The following A2M variants were observed in gnomAD, a reference collection of about 807,000 sequenced individuals.
A2M encodes the protein alpha-2-macroglobulin, also known as C3 and PZP-like alpha-2-macroglobulin domain-containing protein 5.
A2M carries 128 observed loss-of-function variants against 183.9 expected under a neutral mutation model. The observed-to-expected ratio is 0.70, with a 90% CI of 0.60 to 0.81. The LOEUF (loss-of-function observed/expected upper bound fraction) is 0.81. A2M is among the 30% of genes least tolerant of loss of function. The pLI, the probability that A2M is intolerant of heterozygous loss-of-function variation, is 0.00. For missense variants in A2M, 1,495 were observed against 1,787.6 expected, an observed-to-expected ratio of 0.84 and a Z score of 2.95; for synonymous variants, 592 against 670.8, an observed-to-expected ratio of 0.88 and a Z score of 1.81.
At chr12:9,093,102 G>T (rs1411693116) in intron 18 of A2M, among the ~76,000 whole-genome samples, 1 of 152,174 alleles carries the variant, frequency 6.6e-6, no homozygotes, top group Non-Finnish European at 1.5e-5. Context: ...GCAGGGATGG[G>T]AAGAAGCAGG....
chr12:9,090,198 T>G (rs982510614), intron 20 of A2M, among the ~76,000 whole-genome samples, 158 bp downstream of exon 20: 1 of 152,134 alleles, frequency 6.6e-6, no homozygotes, highest in Non-Finnish European at 1.5e-5. Flanking sequence ...GGTGGAGATG[T>G]TGAGGATATC....
chr12:9,088,704 T>G (rs1464546064), intron 22 of A2M, among the ~76,000 whole-genome samples: 3 of 152,194 alleles, frequency 2.0e-5, no homozygotes, highest in Non-Finnish European at 4.4e-5. Flanking sequence ...CTCAAATGTT[T>G]GATAGGGCAT....
At chr12:9,097,791 T>G (rs1328726371) in intron 15 of A2M, among the ~76,000 whole-genome samples, 2 of 151,868 alleles carry the variant, frequency 1.3e-5, no homozygotes, top group African/African-American at 4.8e-5. Flanking sequence ...CGCCACCACG[T>G]CTGACTAATT....
At chr12:9,081,916 C>G (rs1440626451) in intron 22 of A2M, among the ~76,000 whole-genome samples, 1 of 152,188 alleles carries the variant, frequency 6.6e-6, no homozygotes, top group Non-Finnish European at 1.5e-5. Flanking sequence ...TTCAGAGATA[C>G]CAGCCAACTG....
chr12:9,080,784 T>C (rs1948887803), intron 22 of A2M, among the ~76,000 whole-genome samples: 1 of 152,186 alleles, frequency 6.6e-6, no homozygotes, highest in Non-Finnish European at 1.5e-5. Context: ...TTAATCTTGG[T>C]AAATTATATG....
intron 6 of A2M, 41 bp from the exon 7 acceptor site, chr12:9,109,446 A>G (rs1160834957): frequency 3.4e-6 from 5 of 1,489,894 alleles, no homozygotes; most frequent in Admixed American, 1.7e-5. Flanking sequence ...TTGGTTTTCA[A>G]CTTTGGGGGA....
At chr12:9,076,656 G>C in intron 28 of A2M, 100 bp downstream of exon 28, 1 of 1,060,200 alleles carries the variant, frequency 9.4e-7, no homozygotes, top group Non-Finnish European at 1.4e-6. Flanking sequence ...GAAAAGAAGA[G>C]AGGAGACAGG....
At chr12:9,094,356 T>TAC (rs1466828564) in intron 17 of A2M, among the ~76,000 whole-genome samples, 1 of 143,842 alleles carries the variant, frequency 7.0e-6, no homozygotes, top group Non-Finnish European at 1.5e-5. Flanking sequence ...TATATATATA[T>TAC]ATATATATAT....
chr12:9,071,562 T>A (rs1340539232), intron 31 of A2M, among the ~76,000 whole-genome samples: 1 of 152,150 alleles, frequency 6.6e-6, no homozygotes, highest in African/African-American at 2.4e-5. Flanking sequence ...TGCACTGAAT[T>A]GTTGTTTTTT....
Position 9,101,591 on chromosome 12 carries a change from A to G in A2M, c.1350T>C (p.Leu450=), listed in dbSNP as rs781124725. The change falls in exon 12 of 36, where the codon CTT becomes CTC. Residue 450 remains leucine (L), a synonymous_variant. Transcript: ENST00000318602. The stretch of plus-strand genomic sequence containing the variant: ...CAAAGCTCTTGCTTGGGGAGAACAC[A>G]AGATAAGCAGTGTGATGTGCCTCTT... ...EHEEAHHTAY[L]VFSPSKSFVH... 152 of 1,613,870 alleles carry G rather than the reference A, an allele frequency of 9.4e-5. No individual in the cohort carries two copies. The highest frequency in any genetic ancestry group is 1.1e-4 in the Non-Finnish European group (127 of 1,179,892).
rs374583554 is a variant in A2M, at chr12:9,070,545, C to T, written c.4137G>A (p.Ala1379=). 130 of 1,613,724 alleles carry T rather than the reference C, an allele frequency of 8.1e-5. 1 individual carries two copies. The highest frequency in any genetic ancestry group is 6.7e-5 in the East Asian group (3 of 44,898). The part of the protein sequence containing the change: ...YTGSRSASNM[A]IVDVKMVSGF... ...CAGAGACCATCTTCACATCAACGAT[C>T]GCCATGTTGGAGGCAGAGCGGCTCC... The change falls in exon 32 of 36, where the codon GCG becomes GCA. Residue 1379 remains alanine, a synonymous_variant. Coordinates refer to ENST00000318602, the MANE Select transcript of A2M (RefSeq NM_000014.6).
chr12:9,104,362 A>C lies in A2M; in HGVS notation c.1143T>G (p.Asn381Lys), dbSNP rs748795363. 21 of 1,603,042 alleles carry C rather than the reference A, an allele frequency of 1.3e-5. No homozygotes were observed. Among genetic ancestry groups the C allele is most frequent in the Non-Finnish European group, 1.8e-5 (21 of 1,174,230 alleles). Residue 381 changes from asparagine to lysine, a missense_variant, in exon 11 of 36, where the codon AAT (asparagine) becomes AAG (lysine). By Grantham distance (94) the Asn-to-Lys change is moderately conservative. Coordinates refer to ENST00000318602, the MANE Select transcript of A2M (RefSeq NM_000014.6). ...CATTTCCTCTGATGAATATGACTTT[A>C]TTTGGTATAGGGACGCCTTTCCCAT... ...LVDGKGVPIP[N>K]KVIFIRGNEA...
At chr12:9,090,111 T>TAA in intron 20 of A2M, 88 bp from the exon 21 acceptor site, 2 of 1,528,544 alleles carry the variant, frequency 1.3e-6, no homozygotes, top group Non-Finnish European at 1.8e-6. Context: ...CAATGCTCTG[T>TAA]AAACTTTTGT....
In A2M at chr12:9,113,414, G is replaced by A; in HGVS notation, c.216C>T (p.Ser72=). 1 of 1,613,722 alleles carries A rather than the reference G, an allele frequency of 6.2e-7. No individual in the cohort carries two copies. Among genetic ancestry groups the A allele is most frequent in the Non-Finnish European group, 8.5e-7 (1 of 1,179,938 alleles). The change falls in exon 2 of 36, where the codon AGC becomes AGT. Residue 72 remains serine (S), a synonymous_variant. Coordinates refer to ENST00000318602, the MANE Select transcript of A2M (RefSeq NM_000014.6). ...TCTCCGCCTCCAGGTCAGTGAAGAG[G>A]CTCCTGTTTCCCCTGACAGACTCCA... ...ASLESVRGNR[S]LFTDLEAEND...
At chr12:9,113,567 G>A (rs759279029) in intron 1 of A2M, 24 bp from the exon 2 acceptor site, 1 of 1,604,684 alleles carries the variant, frequency 6.2e-7, no homozygotes, top group Admixed American at 1.7e-5. Flanking sequence ...GGTTCAGTTA[G>A]AGGAAAGTGA....
At chr12:9,091,050 G>T (rs1205510002) in intron 19 of A2M, 151 bp downstream of exon 19, 5 of 998,456 alleles carry the variant, frequency 5.0e-6, no homozygotes, top group Non-Finnish European at 5.8e-6. Flanking sequence ...GGTGCAATTT[G>T]GTATTTGGAG....
chr12:9,111,612 A>G, intron 4 of A2M: 1 of 441,418 alleles, frequency 2.3e-6, no homozygotes. Flanking sequence ...TTGTCTTTGG[A>G]GCTAGAAGAG....
chr12:9,115,357 A>AT (rs1014217495), intron 1 of A2M: 2 of 161,276 alleles, frequency 1.2e-5, no homozygotes, highest in Non-Finnish European at 2.7e-5. Context: ...CACTCTATAG[A>AT]TTTTTATACT....
chr12:9,113,892 G>A (rs1393548103), intron 1 of A2M, among the ~76,000 whole-genome samples: 5 of 152,188 alleles, frequency 3.3e-5, no homozygotes, highest in Non-Finnish European at 5.9e-5. Context: ...GCTGTAAAAA[G>A]TAAGCAAGCT....
Sources: gnomAD v4.1 joint callset for allele counts (sites outside exome capture counted in the v4.1 genomes callset) on GRCh38, gnomAD v4.1.1 for gene constraint, MANE v1.5 for transcripts, NCBI Gene and HGNC (gene_info 2026-07-23, HGNC 2026-07-21) for gene names.